The following ERBB4 variants were observed in gnomAD, a reference collection of about 807,000 sequenced individuals.
The protein encoded by ERBB4 is receptor tyrosine-protein kinase erbB-4.
In ERBB4, 42 loss-of-function variants were observed where a neutral mutation model predicts 158.0. The observed-to-expected ratio is 0.27, with a 90% CI of 0.21 to 0.34. ERBB4 has a LOEUF of 0.34. Among genes scored for constraint, ERBB4 ranks in the 10% least tolerant of loss-of-function variants. The pLI, the probability that ERBB4 is intolerant of heterozygous loss-of-function variation, is 1.00. For synonymous variants in ERBB4, 583 were observed against 558.7 expected (o/e 1.04, Z -0.61); for missense variants, 1,333 against 1,624.1 (o/e 0.82, Z 3.08).
intron 2 of ERBB4, among the ~76,000 whole-genome samples, chr2:212,014,461 G>C (rs981957560): frequency 2.6e-5 from 4 of 152,126 alleles, no homozygotes; most frequent in African/African-American, 9.7e-5. Flanking sequence ...GATTAAATTT[G>C]TATTATTCAA....
intron 25 of ERBB4, among the ~76,000 whole-genome samples, chr2:211,414,061 A>G (rs2063327728): frequency 1.3e-5 from 2 of 152,090 alleles, no homozygotes; most frequent in Non-Finnish European, 2.9e-5. Context: ...TGCACAAAAT[A>G]TCTGGTGTAA....
At chr2:211,804,214 TA>T (rs1016107897) in intron 3 of ERBB4, among the ~76,000 whole-genome samples, 39 of 152,214 alleles carry the variant, frequency 2.6e-4, no homozygotes, top group African/African-American at 9.1e-4. Context: ...CATAATAACA[TA>T]AAAAATCTAA....
At chr2:211,804,304 G>A (rs1447085798) in intron 3 of ERBB4, among the ~76,000 whole-genome samples, 1 of 152,184 alleles carries the variant, frequency 6.6e-6, no homozygotes, top group Admixed American at 6.5e-5. Flanking sequence ...TCAGGGATAT[G>A]TTCCCAAGTT....
At chr2:211,960,824 C>T (rs1211918942) in intron 2 of ERBB4, 1 of 152,020 alleles carries the variant, frequency 6.6e-6, no homozygotes, top group Non-Finnish European at 1.5e-5. Context: ...CCTCCAAATA[C>T]CATCATATTG....
intron 1 of ERBB4, among the ~76,000 whole-genome samples, chr2:212,184,179 G>A (rs2081950249): frequency 2.0e-5 from 3 of 152,034 alleles, no homozygotes; most frequent in Admixed American, 6.6e-5. Flanking sequence ...GGTGTTCTCT[G>A]CTGTAGCCTG....
chr2:211,809,307 T>A (rs1038672275), intron 3 of ERBB4, among the ~76,000 whole-genome samples: 1 of 152,190 alleles, frequency 6.6e-6, no homozygotes, highest in Non-Finnish European at 1.5e-5. Flanking sequence ...TGTCTGTGAA[T>A]CCATCTGGTC....
At chr2:212,389,184 A>G (rs1486402554) in intron 1 of ERBB4, among the ~76,000 whole-genome samples, 1 of 152,108 alleles carries the variant, frequency 6.6e-6, no homozygotes, top group Non-Finnish European at 1.5e-5. Flanking sequence ...ATTTTGGTAA[A>G]TGTGATGTAG....
intron 20 of ERBB4, among the ~76,000 whole-genome samples, chr2:211,561,309 C>T (rs999324276): frequency 1.5e-4 from 23 of 152,266 alleles, no homozygotes; most frequent in Admixed American, 1.2e-3. Flanking sequence ...CCCCAATTCA[C>T]AGTCCCCTAG....
At chr2:211,618,023 A>G (rs548015864) in intron 19 of ERBB4, among the ~76,000 whole-genome samples, 1 of 152,136 alleles carries the variant, frequency 6.6e-6, no homozygotes, top group East Asian at 1.9e-4. Flanking sequence ...CAAATCTACA[A>G]TTTTTGCTAG....
intron 3 of ERBB4, among the ~76,000 whole-genome samples, chr2:211,840,771 C>G (rs368252908): frequency 6.6e-6 from 1 of 151,934 alleles, no homozygotes. Context: ...TAATGATAAA[C>G]CTTGATTCAG....
intron 1 of ERBB4, among the ~76,000 whole-genome samples, chr2:212,515,236 C>T (rs960559391): frequency 1.3e-5 from 2 of 152,046 alleles, no homozygotes; most frequent in African/African-American, 4.8e-5. Context: ...AATATCAGTT[C>T]ATCACTATTC....
chr2:212,468,477 C>T (rs1688954178), intron 1 of ERBB4, among the ~76,000 whole-genome samples: 1 of 152,264 alleles, frequency 6.6e-6, no homozygotes, highest in South Asian at 2.1e-4. Context: ...TCTGCACAAG[C>T]TCTCTCTTAG....
intron 1 of ERBB4, among the ~76,000 whole-genome samples, chr2:212,254,352 T>C (rs1190088376): frequency 1.3e-5 from 2 of 152,166 alleles, no homozygotes; most frequent in Admixed American, 6.5e-5. Flanking sequence ...CGGACAGCTA[T>C]GTTGAATCTG....
Position 211,843,662 on chromosome 2 carries a change from T to C in ERBB4, c.422-55503A>G, listed in dbSNP as rs1412838682. Among the ~76,000 whole-genome samples the C allele has an allele frequency of 3.3e-5, 4 of 121,668 alleles. 1 individual carries two copies. The highest frequency in any genetic ancestry group is 5.5e-5 in the Non-Finnish European group (3 of 54,552). 79.8% of individuals were successfully genotyped at this position (121,668 alleles called of 152,430 possible). A position where few individuals can be genotyped will look rare whatever the true frequency, so the allele number is the denominator to read the frequency against. ...AGTTTTATGTTTATCTTAGTTTCGT[T>C]CTGTGTTCCCTTTTAATGATATGTG... On this transcript the variant is annotated intron_variant, in intron 3 of 27. Transcript: ENST00000342788.
At chr2:212,527,972 C>T (rs904453874) in intron 1 of ERBB4, among the ~76,000 whole-genome samples, 7 of 149,696 alleles carry the variant, frequency 4.7e-5, no homozygotes, top group South Asian at 4.2e-4. Flanking sequence ...TTTGTCCTTG[C>T]GACAGTTTAC....
chr2:212,493,308 T>C (rs1690382963), intron 1 of ERBB4, among the ~76,000 whole-genome samples: 1 of 151,450 alleles, frequency 6.6e-6, no homozygotes, highest in African/African-American at 2.4e-5. Context: ...CTTATATATA[T>C]TCAAATTTTA....
chr2:212,474,839 T>TTTTTTTTTGTG (rs1245995165), intron 1 of ERBB4, among the ~76,000 whole-genome samples: 3 of 136,160 alleles, frequency 2.2e-5, no homozygotes, highest in African/African-American at 1.0e-4. Context: ...TTTTTTTTTT[T>TTTTTTTTTGTG]TGTCAAGACA....
intron 1 of ERBB4, among the ~76,000 whole-genome samples, chr2:212,392,483 T>C (rs1213570789): frequency 6.6e-6 from 1 of 152,058 alleles, no homozygotes; most frequent in Admixed American, 6.6e-5. Context: ...ATAAACATTA[T>C]TAAAATCTAC....
intron 16 of ERBB4, among the ~76,000 whole-genome samples, chr2:211,634,901 A>G (rs1210988285): frequency 6.6e-6 from 1 of 151,906 alleles, no homozygotes; most frequent in Non-Finnish European, 1.5e-5. Flanking sequence ...TGGTCTCCTC[A>G]CCTCATGTGA....
Sources: gnomAD v4.1 joint callset for allele counts (sites outside exome capture counted in the v4.1 genomes callset) on GRCh38, gnomAD v4.1.1 for gene constraint, MANE v1.5 for transcripts, NCBI Gene and HGNC (gene_info 2026-07-23, HGNC 2026-07-21) for gene names.